Variants in ADCY10 observed in about 807,000 individuals in gnomAD.
ADCY10 encodes adenylate cyclase 10.
Under a neutral mutation model 183.3 loss-of-function variants are expected in ADCY10, and 156 were observed. That is an observed-to-expected ratio of 0.85 (90% CI 0.75 to 0.97). The LOEUF is 0.97. Ranked by LOEUF, ADCY10 falls within the 50% of genes least tolerant of loss-of-function variation. The pLI is 0.00. For synonymous variants in ADCY10, 645 were observed against 670.0 expected, an observed-to-expected ratio of 0.96 and a Z score of 0.58; for missense variants, 1,745 against 1,934.3, an observed-to-expected ratio of 0.90 and a Z score of 1.84.
At chr1:167,849,856 G>T (rs1665333605) in intron 18 of ADCY10, among the ~76,000 whole-genome samples, 1 of 152,184 alleles carries the variant, frequency 6.6e-6, no homozygotes, top group Non-Finnish European at 1.5e-5. Flanking sequence ...CAACGCGAAG[G>T]CACAGGAACC....
chr1:167,846,667 C>T (rs1029508033), intron 19 of ADCY10, among the ~76,000 whole-genome samples: 1 of 152,182 alleles, frequency 6.6e-6, no homozygotes, highest in African/African-American at 2.4e-5. Context: ...TCTTCTCTGC[C>T]TCCCCTTTCT....
At chr1:167,870,510 G>C in intron 13 of ADCY10, 100 bp from the exon 14 acceptor site, 1 of 1,110,916 alleles carries the variant, frequency 9.0e-7, no homozygotes, top group Non-Finnish European at 1.3e-6. Flanking sequence ...AAATATCCTT[G>C]GGCCAGGCGC....
At chr1:167,877,174 C>T (rs1667530079) in intron 12 of ADCY10, among the ~76,000 whole-genome samples, 1 of 150,928 alleles carries the variant, frequency 6.6e-6, no homozygotes, top group African/African-American at 2.4e-5. Context: ...TGGCCATAGA[C>T]AAGTCATTTA....
At chr1:167,826,857 G>C (rs1466423525) in intron 26 of ADCY10, among the ~76,000 whole-genome samples, 1 of 152,220 alleles carries the variant, frequency 6.6e-6, no homozygotes, top group East Asian at 1.9e-4. Flanking sequence ...AACATCCAGT[G>C]ACAGATGGGA....
intron 1 of ADCY10, among the ~76,000 whole-genome samples, chr1:167,911,997 G>A (rs1002122700): frequency 1.3e-5 from 2 of 152,116 alleles, no homozygotes; most frequent in Non-Finnish European, 2.9e-5. Context: ...ATAAATATCT[G>A]GGAGTTTCTT....
chr1:167,810,672 T>C, intron 32 of ADCY10, 53 bp downstream of exon 32: 1 of 1,582,926 alleles, frequency 6.3e-7, no homozygotes, highest in Non-Finnish European at 8.7e-7. Context: ...GCTTCTGGGC[T>C]TCTTTATATG....
At position 167,809,713 on chromosome 1, in the gene ADCY10, G is replaced by C. The variant is rs1362525002; in HGVS notation, c.4798C>G (p.Leu1600Val). Reference sequence around the variant, plus strand: ...TTGTCCACGGTATTAGCTCTCATCAGGAATTTGTTTTTTTGAAGATCCTGA... The same window carrying C: ...TTGTCCACGGTATTAGCTCTCATCACGAATTTGTTTTTTTGAAGATCCTGA... Reference protein sequence around the residue: ...NIQDLQKNKFLMRANTVDNHF With the variant: ...NIQDLQKNKFVMRANTVDNHF Residue 1600 changes from leucine to valine, a missense_variant, in exon 33 of 33, where the codon CTG becomes GTG. Leu to Val is a conservative substitution (Grantham distance 32). Coordinates refer to ENST00000367851, the MANE Select transcript of ADCY10 (RefSeq NM_018417.6). The C allele has an allele frequency of 1.2e-6, 2 of 1,614,004 alleles. No individual in the cohort carries two copies. The highest frequency in any genetic ancestry group is 1.3e-5 in the African/African-American group (1 of 74,918).
intron 1 of ADCY10, among the ~76,000 whole-genome samples, chr1:167,907,763 A>G (rs1669912716): frequency 6.6e-6 from 1 of 152,236 alleles, no homozygotes; most frequent in African/African-American, 2.4e-5. Flanking sequence ...TTAAATCAAG[A>G]GACTGCTATA....
intron 26 of ADCY10, among the ~76,000 whole-genome samples, chr1:167,825,166 A>C (rs2101872411): frequency 6.6e-6 from 1 of 152,372 alleles, no homozygotes; most frequent in Admixed American, 6.5e-5. Flanking sequence ...AAAAGGCTGC[A>C]AGGATACACT....
At position 167,809,538 on chromosome 1, in the gene ADCY10, G is replaced by A; in HGVS notation, c.*140C>T. On this transcript the variant is annotated 3_prime_UTR_variant, in exon 33 of 33. Coordinates refer to ENST00000367851, the MANE Select transcript of ADCY10 (RefSeq NM_018417.6). ...GACCCTTGTAGGCCCTCCAGAAAGAGAAGAAATCAACATGTCTGTTTCTGT... is the reference window on the plus strand; with the variant it reads ...GACCCTTGTAGGCCCTCCAGAAAGAAAAGAAATCAACATGTCTGTTTCTGT... 2.1e-6 allele frequency: 2 copies of A among 952,074 alleles called. No homozygotes were observed. The highest frequency in any genetic ancestry group is 3.3e-6 in the Non-Finnish European group (2 of 612,688). The allele number at this position is 952,074 out of a possible 1,614,324, so 59.0% of individuals were successfully genotyped here. A position where few individuals can be genotyped will look rare whatever the true frequency, so the allele number is the denominator to read the frequency against.
At chr1:167,908,406 G>A (rs1474609081) in intron 1 of ADCY10, among the ~76,000 whole-genome samples, 1 of 152,138 alleles carries the variant, frequency 6.6e-6, no homozygotes, top group East Asian at 1.9e-4. Context: ...GGGGTTGGGT[G>A]GGTGGAATGA....
At chr1:167,893,530 T>C (rs576496756) in intron 8 of ADCY10, among the ~76,000 whole-genome samples, 1 of 151,924 alleles carries the variant, frequency 6.6e-6, no homozygotes, top group African/African-American at 2.4e-5. Context: ...CAGGCCAACA[T>C]GGTGAAGCTC....
At chr1:167,853,412 A>T (rs1665643376) in intron 18 of ADCY10, among the ~76,000 whole-genome samples, 1 of 152,144 alleles carries the variant, frequency 6.6e-6, no homozygotes, top group Admixed American at 6.5e-5. Flanking sequence ...CCCAAGGAAA[A>T]ACGTGGCAGT....
chr1:167,820,406 G>T, intron 30 of ADCY10: 1 of 528,834 alleles, frequency 1.9e-6, no homozygotes, highest in Non-Finnish European at 3.3e-6. Context: ...CCGAGAGCTG[G>T]CCGACTGCCC....
intron 1 of ADCY10, among the ~76,000 whole-genome samples, chr1:167,912,991 C>T (rs561788328): frequency 5.9e-5 from 9 of 152,194 alleles, no homozygotes; most frequent in African/African-American, 1.9e-4. Context: ...CATTTGTATA[C>T]GCTTTATAGC....
rs189400818 is a variant in ADCY10, at chr1:167,834,038, T to A, written c.3349A>T (p.Thr1117Ser). 23 of 1,613,894 alleles carry A rather than the reference T, an allele frequency of 1.4e-5. No individual in the cohort carries two copies. The highest frequency in any genetic ancestry group is 1.9e-5 in the Non-Finnish European group (22 of 1,179,972). ...CTCCAAGATTTGTCCTTCTTGAGAGTTTTTAGCAACTTCTGTCCTTCATTC... is the reference window on the plus strand; with the variant it reads ...CTCCAAGATTTGTCCTTCTTGAGAGATTTTAGCAACTTCTGTCCTTCATTC... ...YLNEGQKLLK[T>S]LKKDKSWSQT... The change falls in exon 24 of 33, where the codon ACT becomes TCT. Residue 1117 changes from threonine (T) to serine (S), a missense_variant. By Grantham distance (58) the Thr-to-Ser change is moderately conservative (BLOSUM62 1). Transcript: ENST00000367851.
At chr1:167,911,681 G>A (rs552571642) in intron 1 of ADCY10, among the ~76,000 whole-genome samples, 192 of 152,288 alleles carry the variant, frequency 1.3e-3, no homozygotes, top group African/African-American at 4.5e-3. Flanking sequence ...AACTGCTGGC[G>A]AGTATACCCT....
intron 1 of ADCY10, among the ~76,000 whole-genome samples, chr1:167,905,512 A>G (rs1479749284): frequency 1.3e-5 from 2 of 151,968 alleles, no homozygotes; most frequent in Non-Finnish European, 2.9e-5. Context: ...GTTAAGCTCT[A>G]TTCACTCAGG....
At chr1:167,891,851 G>A (rs543253323) in intron 8 of ADCY10, among the ~76,000 whole-genome samples, 1 of 152,156 alleles carries the variant, frequency 6.6e-6, no homozygotes, top group Non-Finnish European at 1.5e-5. Flanking sequence ...GAAGGAATTG[G>A]TATAGGGAAT....
Sources: allele counts gnomAD v4.1 joint callset (sites outside exome capture counted in the v4.1 genomes callset), GRCh38; gene constraint gnomAD v4.1.1; transcripts MANE v1.5; gene names NCBI Gene and HGNC (gene_info 2026-07-23, HGNC 2026-07-21).